Variants in SYT14 observed in about 807,000 individuals in gnomAD.
SYT14 encodes the protein synaptotagmin-14.
A neutral mutation model predicts 74.2 loss-of-function variants in SYT14; 32 were observed. That is an observed-to-expected ratio of 0.43 (90% CI 0.33 to 0.58). The LOEUF is 0.58. SYT14 is among the 20% of genes least tolerant of loss of function. SYT14 has a pLI of 0.05. For synonymous variants in SYT14, 298 were observed against 337.7 expected (o/e 0.88, Z 1.29); for missense variants, 791 against 981.8 (o/e 0.81, Z 2.60).
At chr1:210,110,580 A>G (rs1572321151) in intron 7 of SYT14, among the ~76,000 whole-genome samples, 1 of 152,284 alleles carries the variant, frequency 6.6e-6, no homozygotes, top group Non-Finnish European at 1.5e-5. Flanking sequence ...TGGGAGTCCA[A>G]AGCAAAGATT....
chr1:209,975,975 T>C (rs2079354731), intron 2 of SYT14, among the ~76,000 whole-genome samples: 1 of 152,238 alleles, frequency 6.6e-6, no homozygotes. Flanking sequence ...TTCTAGATTT[T>C]CTAGTTTATT....
intron 2 of SYT14, among the ~76,000 whole-genome samples, chr1:210,006,172 A>G (rs1274140385): frequency 1.3e-5 from 2 of 151,908 alleles, no homozygotes; most frequent in Non-Finnish European, 2.9e-5. Flanking sequence ...CTATCAGTAA[A>G]TGCTCTTTGT....
intron 7 of SYT14, among the ~76,000 whole-genome samples, chr1:210,127,919 C>T (rs1480616254): frequency 6.6e-6 from 1 of 151,924 alleles, no homozygotes; most frequent in South Asian, 2.1e-4. Flanking sequence ...CCCAGCTACT[C>T]GGGAGGCTGA....
intron 7 of SYT14, among the ~76,000 whole-genome samples, chr1:210,108,351 A>C (rs1407394922): frequency 6.6e-6 from 1 of 152,206 alleles, no homozygotes; most frequent in Admixed American, 6.5e-5. Context: ...GCTTTGTCAG[A>C]TGTTGATGAT....
chr1:209,946,654 T>C (rs2102658709), intron 1 of SYT14, among the ~76,000 whole-genome samples: 1 of 152,322 alleles, frequency 6.6e-6, no homozygotes, highest in South Asian at 2.1e-4. Flanking sequence ...AAGTGTGAGG[T>C]GAAGCAGCAA....
At chr1:210,163,854 T>G (rs569435728) in exon 10 of SYT14, 1 of 453,766 alleles carries the variant, frequency 2.2e-6, no homozygotes, top group South Asian at 1.6e-5. Context: ...ATCTTCTATC[T>G]CAGTAATTAT....
intron 7 of SYT14, among the ~76,000 whole-genome samples, chr1:210,145,295 T>C (rs2083008208): frequency 6.6e-6 from 1 of 152,190 alleles, no homozygotes; most frequent in African/African-American, 2.4e-5. Context: ...TGATCCCTGC[T>C]CAAGCACTCA....
At chr1:210,002,101 A>T (rs2079910823) in intron 2 of SYT14, among the ~76,000 whole-genome samples, 1 of 152,208 alleles carries the variant, frequency 6.6e-6, no homozygotes, top group African/African-American at 2.4e-5. Flanking sequence ...TTCACCAGGT[A>T]TCACCATAAC....
chr1:210,104,411 G>A (rs1161562149), intron 7 of SYT14, among the ~76,000 whole-genome samples: 1 of 152,040 alleles, frequency 6.6e-6, no homozygotes, highest in African/African-American at 2.4e-5. Flanking sequence ...AATAAGAATC[G>A]TGAAATAGCC....
At chr1:210,019,697 T>TTA (rs2080263590) in intron 4 of SYT14, among the ~76,000 whole-genome samples, 1 of 152,206 alleles carries the variant, frequency 6.6e-6, no homozygotes, top group South Asian at 2.1e-4. Flanking sequence ...TAAAAATTAC[T>TTA]TATCCTGTAA....
At chr1:210,057,308 C>A (rs1482097029) in intron 5 of SYT14, among the ~76,000 whole-genome samples, 1 of 152,156 alleles carries the variant, frequency 6.6e-6, no homozygotes, top group Non-Finnish European at 1.5e-5. Context: ...TCATGGCTGA[C>A]TTTGTACCTT....
chr1:210,030,077 G>T (rs1220679135), intron 5 of SYT14, among the ~76,000 whole-genome samples: 5 of 151,834 alleles, frequency 3.3e-5, no homozygotes, highest in Non-Finnish European at 7.4e-5. Context: ...GATGCAGCTG[G>T]TTTTTTTAGT....
intron 2 of SYT14, among the ~76,000 whole-genome samples, chr1:209,966,945 G>T (rs1298007204): frequency 6.6e-6 from 1 of 152,174 alleles, no homozygotes; most frequent in Non-Finnish European, 1.5e-5. Flanking sequence ...AGAGCATTCA[G>T]TCTTTTGCCA....
chr1:210,052,056 G>T (rs182737898), intron 5 of SYT14, among the ~76,000 whole-genome samples: 145 of 152,230 alleles, frequency 9.5e-4, no homozygotes, highest in African/African-American at 3.3e-3. Context: ...AGTCAATCAG[G>T]AACACACTGT....
At chr1:210,015,791 G>T in exon 4 of SYT14, 3 of 921,464 alleles carry the variant, frequency 3.3e-6, no homozygotes, top group Non-Finnish European at 4.2e-6. Context: ...CAAGTGGTTT[G>T]ATTTTTTTTT....
chr1:209,963,208 A>T (rs2079103977), intron 2 of SYT14, among the ~76,000 whole-genome samples: 1 of 152,126 alleles, frequency 6.6e-6, no homozygotes, highest in African/African-American at 2.4e-5. Context: ...GGGTGTGTGT[A>T]AAAAAGAAAA....
At chr1:210,063,233 G>A (rs2081238277) in intron 5 of SYT14, among the ~76,000 whole-genome samples, 1 of 151,316 alleles carries the variant, frequency 6.6e-6, no homozygotes, top group African/African-American at 2.4e-5. Context: ...AGCTAGCTTT[G>A]ATTTTTGTTG....
At chr1:209,979,462 G>C (rs1359865400) in intron 2 of SYT14, among the ~76,000 whole-genome samples, 1 of 151,852 alleles carries the variant, frequency 6.6e-6, no homozygotes, top group Non-Finnish European at 1.5e-5. Flanking sequence ...CAACTTTTAA[G>C]TTTAGGGGTA....
chr1:210,094,827 A>G (rs148724457), intron 6 of SYT14, among the ~76,000 whole-genome samples: 1 of 152,184 alleles, frequency 6.6e-6, no homozygotes, highest in African/African-American at 2.4e-5. Context: ...GAAGATGGGT[A>G]CCTAAAGATG....
Sources: gnomAD v4.1 joint callset for allele counts (sites outside exome capture counted in the v4.1 genomes callset) on GRCh38, gnomAD v4.1.1 for gene constraint, MANE v1.5 for transcripts, NCBI Gene and HGNC (gene_info 2026-07-23, HGNC 2026-07-21) for gene names.